Variants in CPLX1 observed in about 807,000 individuals in gnomAD.
The protein encoded by CPLX1 is complexin 1.
A neutral mutation model predicts 15.6 loss-of-function variants in CPLX1; 6 were observed. That is an observed-to-expected ratio of 0.39 (90% CI 0.21 to 0.76). CPLX1 has a LOEUF of 0.76. Among genes scored for constraint, CPLX1 ranks in the 30% least tolerant of loss-of-function variants. The pLI is 0.43. For missense variants in CPLX1, 242 were observed against 188.6 expected (o/e 1.28, Z -1.66); for synonymous variants, 91 against 75.2 (o/e 1.21, Z -1.08).
At chr4:816,060 T>C (rs557774263) in intron 2 of CPLX1, among the ~76,000 whole-genome samples, 1 of 152,284 alleles carries the variant, frequency 6.6e-6, no homozygotes, top group East Asian at 1.9e-4. Flanking sequence ...TGTTGAGCTA[T>C]TTAAGTTATA....
intron 2 of CPLX1, among the ~76,000 whole-genome samples, chr4:795,563 G>C (rs936197978): frequency 1.3e-5 from 2 of 152,176 alleles, no homozygotes. Context: ...GCTGGGGTCC[G>C]CTACTGGCCT....
intron 2 of CPLX1, among the ~76,000 whole-genome samples, chr4:812,230 A>G (rs1376415064): frequency 4.0e-5 from 6 of 151,862 alleles, no homozygotes; most frequent in Non-Finnish European, 8.8e-5. Context: ...GCCCGCCACC[A>G]CGCCCCGCTA....
At chr4:799,681 G>C (rs1412939513) in intron 2 of CPLX1, among the ~76,000 whole-genome samples, 2 of 152,084 alleles carry the variant, frequency 1.3e-5, no homozygotes, top group East Asian at 1.9e-4. Context: ...CAGTCAACAT[G>C]GTGAAACCCC....
chr4:792,337 C>T (rs1392732458), intron 3 of CPLX1, 96 bp downstream of exon 3: 7 of 1,207,306 alleles, frequency 5.8e-6, no homozygotes, highest in Non-Finnish European at 7.8e-6. Context: ...GGGACGCCCG[C>T]CCCTCTTCCG....
intron 2 of CPLX1, among the ~76,000 whole-genome samples, chr4:794,431 GA>G (rs1446340899): frequency 6.6e-6 from 1 of 152,248 alleles, no homozygotes; most frequent in Non-Finnish European, 1.5e-5. Flanking sequence ...AGAAAGCTAA[GA>G]GGCTTGTGGT....
intron 2 of CPLX1, among the ~76,000 whole-genome samples, chr4:798,493 TCTCAACTTCCTGGG>T (rs1449208913): frequency 6.6e-6 from 1 of 152,156 alleles, no homozygotes; most frequent in Non-Finnish European, 1.5e-5. Context: ...CTCACTGCAG[TCTCAACTTCCTGGG>T]CTCAACTGAT....
chr4:799,309 T>C (rs1457292183), intron 2 of CPLX1, among the ~76,000 whole-genome samples: 2 of 152,214 alleles, frequency 1.3e-5, no homozygotes, highest in Non-Finnish European at 2.9e-5. Context: ...TACGGGGACG[T>C]CCATGCTTCT....
intron 2 of CPLX1, chr4:804,672 G>A: frequency 1.1e-6 from 1 of 924,946 alleles, no homozygotes; most frequent in Non-Finnish European, 1.3e-6. Context: ...TCTTTTTGGG[G>A]CTTTGGATAA....
intron 2 of CPLX1, among the ~76,000 whole-genome samples, chr4:794,924 C>G (rs1746288506): frequency 6.6e-6 from 1 of 152,248 alleles, no homozygotes; most frequent in African/African-American, 2.4e-5. Context: ...GTGCTGCGCT[C>G]TGCTCCAGGG....
chr4:794,185 T>C (rs1746267120), intron 2 of CPLX1, among the ~76,000 whole-genome samples: 1 of 152,218 alleles, frequency 6.6e-6, no homozygotes, highest in South Asian at 2.1e-4. Flanking sequence ...GGAGAATAGC[T>C]TTTTGGTTGA....
At chr4:825,092 C>T (rs1746952756) in intron 1 of CPLX1, among the ~76,000 whole-genome samples, 1 of 152,164 alleles carries the variant, frequency 6.6e-6, no homozygotes, top group East Asian at 1.9e-4. Context: ...GACGGCACTG[C>T]AGTCAGTGTG....
At chr4:803,548 G>C (rs570795192) in intron 2 of CPLX1, among the ~76,000 whole-genome samples, 21 of 151,246 alleles carry the variant, frequency 1.4e-4, no homozygotes, top group Admixed American at 3.3e-4. Flanking sequence ...CCGCCACCGC[G>C]CCCGGCTAAT....
At chr4:813,582 C>G (rs1028902783) in intron 2 of CPLX1, among the ~76,000 whole-genome samples, 1 of 152,150 alleles carries the variant, frequency 6.6e-6, no homozygotes, top group East Asian at 1.9e-4. Context: ...AGAAACTGAA[C>G]CAGAGACCCC....
intron 2 of CPLX1, among the ~76,000 whole-genome samples, chr4:822,117 C>G (rs1292608880): frequency 6.7e-6 from 1 of 148,834 alleles, no homozygotes; most frequent in African/African-American, 2.6e-5. Flanking sequence ...CCCTCTGTCT[C>G]TGTCTCTCCC....
At chr4:817,697 A>C (rs1746784988) in intron 2 of CPLX1, among the ~76,000 whole-genome samples, 1 of 152,154 alleles carries the variant, frequency 6.6e-6, no homozygotes, top group Non-Finnish European at 1.5e-5. Context: ...CCCACTGATG[A>C]CTGCAGTGAC....
rs182253565 is a variant in CPLX1, at chr4:807,548, C to T, written c.32-14940G>A. Among the ~76,000 whole-genome samples, 576 of 151,966 alleles carry T rather than the reference C, an allele frequency of 3.8e-3. 3 individuals carry two copies. Among genetic ancestry groups the T allele is most frequent in the Non-Finnish European group, 6.0e-3 (410 of 67,968 alleles). ...GGAGTGCAGTGGCACAATCTCGGCT[C>T]ACTGCAACCTCTGCCTCCTGGGTTC... On this transcript the variant is annotated intron_variant, in intron 2 of 3. Transcript: ENST00000304062.
chr4:788,137 C>T (rs892654131), intron 3 of CPLX1: 1 of 985,276 alleles, frequency 1.0e-6, no homozygotes, highest in Non-Finnish European at 1.2e-6. Flanking sequence ...GGAGCCCCTC[C>T]CCTGCCATCT....
chr4:803,730 G>C (rs1389660982), intron 2 of CPLX1, among the ~76,000 whole-genome samples: 1 of 151,550 alleles, frequency 6.6e-6, no homozygotes, highest in African/African-American at 2.4e-5. Context: ...GAGTGCAATG[G>C]CGTGATCTTG....
At chr4:804,757 T>C (rs889586068) in intron 2 of CPLX1, 18 of 985,356 alleles carry the variant, frequency 1.8e-5, no homozygotes, top group Middle Eastern at 1.0e-3. Context: ...AAAACGCACC[T>C]TGCGGGGGCT....
Sources: allele counts gnomAD v4.1 joint callset (sites outside exome capture counted in the v4.1 genomes callset), GRCh38; gene constraint gnomAD v4.1.1; transcripts MANE v1.5; gene names NCBI Gene and HGNC (gene_info 2026-07-23, HGNC 2026-07-21).